UTS2: variants seen among roughly 807,000 people sequenced by gnomAD.
UTS2 encodes urotensin-2.
UTS2 carries 10 observed loss-of-function variants against 12.6 expected under a neutral mutation model. The observed-to-expected ratio is 0.80, with a 90% CI of 0.49 to 1.35. The LOEUF is 1.35. Among genes scored for constraint, UTS2 ranks in the 40% most tolerant of loss-of-function variants. The probability of loss-of-function intolerance (pLI) is 0.00; values close to 1 mark genes in which losing one functional copy is unlikely to be tolerated. For synonymous variants in UTS2, 52 were observed against 50.0 expected, an observed-to-expected ratio of 1.04 and a Z score of -0.17; for missense variants, 142 against 143.2, an observed-to-expected ratio of 0.99 and a Z score of 0.04.
At chr1:7,850,777 A>C (rs1484687544) in intron 2 of UTS2, 35 bp downstream of exon 2, 1 of 1,602,820 alleles carries the variant, frequency 6.2e-7, no homozygotes, top group East Asian at 2.2e-5. Context: ...GTAGCAATTA[A>C]ATCAGACACG....
chr1:7,847,899 G>GAAC lies in UTS2; in HGVS notation c.259-20_259-18dup, dbSNP rs199702410. 7.2e-6 allele frequency: 11 copies of GAAC among 1,525,284 alleles called. No homozygotes were observed. Among genetic ancestry groups the GAAC allele is most frequent in the Middle Eastern group, 1.7e-4 (1 of 5,788 alleles). 94.5% of individuals were successfully genotyped at this position (1,525,284 alleles called of 1,614,324 possible). A position where few individuals can be genotyped will look rare whatever the true frequency, so the allele number is the denominator to read the frequency against. Reference sequence around the variant, plus strand: ...ATCCTGAAACTAAAACAATCCAAACGAACAACAACAACAAAAAAAAACAGA... The same window carrying GAAC: ...ATCCTGAAACTAAAACAATCCAAACGAACAACAACAACAACAAAAAAAAACAGA... On this transcript the variant is annotated splice_polypyrimidine_tract_variant and intron_variant, in intron 3 of 3. Transcript: ENST00000361696.
At chr1:7,853,995 C>T (rs1293315779), upstream of UTS2, among the ~76,000 whole-genome samples, 1 of 152,014 alleles carries the variant, frequency 6.6e-6, no homozygotes, top group Non-Finnish European at 1.5e-5. Context: ...TTTGAGAGGC[C>T]GAGGCAGGAG....
chr1:7,861,594 G>A, the UTS2 span, among the ~76,000 whole-genome samples: 549 of 152,252 alleles, frequency 3.6e-3, 19 homozygotes, highest in East Asian at 0.073. Context: ...TTTTGCACGC[G>A]GTGTCCTCAC....
the UTS2 span, among the ~76,000 whole-genome samples, chr1:7,891,812 T>C: frequency 6.6e-6 from 1 of 152,214 alleles, no homozygotes; most frequent in Non-Finnish European, 1.5e-5. Context: ...AAGGAGCACA[T>C]ACTCTATTGT....
the UTS2 span, among the ~76,000 whole-genome samples, chr1:7,885,495 C>A: frequency 6.6e-6 from 1 of 152,112 alleles, no homozygotes; most frequent in Non-Finnish European, 1.5e-5. Context: ...GGCAGGGAAC[C>A]GCGACTCGGG....
the UTS2 span, among the ~76,000 whole-genome samples, chr1:7,908,295 TAAAAA>T: frequency 9.3e-6 from 1 of 107,872 alleles, no homozygotes. Context: ...AGACTCCGTC[TAAAAA>T]AAAAAAAAAA....
chr1:7,908,557 C>G, the UTS2 span, among the ~76,000 whole-genome samples: 6 of 151,518 alleles, frequency 4.0e-5, no homozygotes, highest in Non-Finnish European at 7.4e-5. Flanking sequence ...ACACCAGCTA[C>G]ACAAGCTTGA....
At chr1:7,866,633 C>T in the UTS2 span, among the ~76,000 whole-genome samples, 2 of 152,148 alleles carry the variant, frequency 1.3e-5, no homozygotes, top group African/African-American at 2.4e-5. This position sits in a 1 kb window ranked among gnomAD's most constrained non-coding sequence, Gnocchi z 4.5. Flanking sequence ...CTTTCCCCCT[C>T]CTCCCTCCCT....
At chr1:7,850,545 A>T (rs575209770) in intron 2 of UTS2, among the ~76,000 whole-genome samples, 1 of 151,902 alleles carries the variant, frequency 6.6e-6, no homozygotes, top group East Asian at 1.9e-4. Flanking sequence ...TGGAAACTGG[A>T]ATAATTACCA....
chr1:7,857,107 T>TGAGGGAAGGAAGGAAG (rs1638328450), upstream of UTS2, among the ~76,000 whole-genome samples: 1 of 125,284 alleles, frequency 8.0e-6, no homozygotes, highest in African/African-American at 3.1e-5. Flanking sequence ...AGAAAAGGAA[T>TGAGGGAAGGAAGGAAG]GAAGGAAGGA....
the UTS2 span, among the ~76,000 whole-genome samples, chr1:7,877,907 G>A: frequency 6.6e-6 from 1 of 151,964 alleles, no homozygotes; most frequent in Non-Finnish European, 1.5e-5. Flanking sequence ...AATTTCTCAA[G>A]TCTTGCAAGA....
the UTS2 span, among the ~76,000 whole-genome samples, chr1:7,899,683 T>G: frequency 1.3e-5 from 2 of 152,326 alleles, no homozygotes; most frequent in Middle Eastern, 3.4e-3. Flanking sequence ...TTATGATCTT[T>G]TTTAAACACT....
the UTS2 span, among the ~76,000 whole-genome samples, chr1:7,863,481 T>C: frequency 2.0e-5 from 3 of 152,196 alleles, no homozygotes; most frequent in African/African-American, 7.2e-5. Flanking sequence ...GTTTAGAATG[T>C]TCTCCCATCT....
At chr1:7,889,442 C>CAAAAAAAAAAA in the UTS2 span, among the ~76,000 whole-genome samples, 12 of 85,386 alleles carry the variant, frequency 1.4e-4, no homozygotes, top group Non-Finnish European at 1.6e-4. Flanking sequence ...ATCTTATCAC[C>CAAAAAAAAAAA]AAAAAAAAAA....
At position 7,847,720 on chromosome 1, in the gene UTS2, T is replaced by G. The variant is rs761213154; in HGVS notation, c.*46A>C. On this transcript the variant is annotated 3_prime_UTR_variant, in exon 4 of 4. Transcript: ENST00000361696. ...TCAAGCATTGTGTTATTTTTCATATTCTAAGATGGGTGTTTCTGAGCTGAC... is the reference window on the plus strand; with the variant it reads ...TCAAGCATTGTGTTATTTTTCATATGCTAAGATGGGTGTTTCTGAGCTGAC... 2.8e-6 allele frequency: 4 copies of G among 1,435,296 alleles called. No individual in the cohort carries two copies. The highest frequency in any genetic ancestry group is 1.8e-4 in the Middle Eastern group (1 of 5,710). The allele number at this position is 1,435,296 out of a possible 1,614,324, so 88.9% of individuals were successfully genotyped here. A position where few individuals can be genotyped will look rare whatever the true frequency, so the allele number is the denominator to read the frequency against.
chr1:7,908,659 C>T, the UTS2 span, among the ~76,000 whole-genome samples: 694 of 151,928 alleles, frequency 4.6e-3, 35 homozygotes, highest in East Asian at 0.12. Flanking sequence ...TGTAAATTGG[C>T]ATATATATTA....
the UTS2 span, among the ~76,000 whole-genome samples, chr1:7,861,696 C>T: frequency 0.021 from 3,134 of 152,146 alleles, 93 homozygotes; most frequent in African/African-American, 0.071. Flanking sequence ...CACCACTGCC[C>T]CGTCCCTCAG....
chr1:7,888,942 C>T, the UTS2 span, among the ~76,000 whole-genome samples: 3 of 152,150 alleles, frequency 2.0e-5, no homozygotes, highest in African/African-American at 7.2e-5. Context: ...CTTCCCTCTG[C>T]TTCTTGATTT....
chr1:7,852,036 G>T (rs566615248), intron 1 of UTS2, among the ~76,000 whole-genome samples: 10 of 152,058 alleles, frequency 6.6e-5, no homozygotes, highest in Non-Finnish European at 1.0e-4. Context: ...TCGGTGACTC[G>T]GGAAGTTGGT....
Sources: gnomAD v4.1 joint callset for allele counts (sites outside exome capture counted in the v4.1 genomes callset) on GRCh38, gnomAD v4.1.1 for gene constraint, Gnocchi (gnomAD v3.1) non-coding constraint, MANE v1.5 for transcripts, NCBI Gene and HGNC (gene_info 2026-07-23, HGNC 2026-07-21) for gene names.